PTPN3: variants seen among roughly 807,000 people sequenced by gnomAD.
PTPN3 encodes the protein protein tyrosine phosphatase non-receptor type 3.
A neutral mutation model predicts 132.7 loss-of-function variants in PTPN3; 96 were observed. The observed-to-expected ratio is 0.72, with a 90% CI of 0.61 to 0.86. The LOEUF (loss-of-function observed/expected upper bound fraction) is 0.86, where lower values mean the gene tolerates loss of function less well. PTPN3 is among the 40% of genes least tolerant of loss of function. PTPN3 has a pLI of 0.00. For missense variants in PTPN3, 1,125 were observed against 1,159.6 expected (o/e 0.97, Z 0.43); for synonymous variants, 398 against 429.0 (o/e 0.93, Z 0.89).
the PTPN3 span, among the ~76,000 whole-genome samples, chr9:109,523,831 T>A: frequency 1.7e-5 from 1 of 60,318 alleles, no homozygotes; most frequent in Non-Finnish European, 3.3e-5. Context: ...TGAGGGTCCC[T>A]GAGTCCCAGT....
intron 1 of PTPN3, among the ~76,000 whole-genome samples, chr9:109,474,125 G>A (rs1370061598): frequency 1.3e-5 from 2 of 152,024 alleles, no homozygotes; most frequent in Admixed American, 1.3e-4. Context: ...CCACCTTGGT[G>A]AACCCAGACA....
chr9:109,458,727 GA>G (rs1845685378), intron 2 of PTPN3, among the ~76,000 whole-genome samples: 1 of 152,064 alleles, frequency 6.6e-6, no homozygotes, highest in South Asian at 2.1e-4. Context: ...CCATCCATCA[GA>G]AAAGAATCAC....
intron 1 of PTPN3, among the ~76,000 whole-genome samples, chr9:109,469,157 C>T (rs1846245692): frequency 6.6e-6 from 1 of 152,184 alleles, no homozygotes; most frequent in African/African-American, 2.4e-5. Flanking sequence ...TCCCTGGCTG[C>T]CCTGAAGCCT....
rs199672148 is a variant in PTPN3, at chr9:109,410,209, G to A, written c.1500+20C>T. On this transcript the variant is annotated intron_variant, in intron 15 of 25. Transcript: ENST00000374541. ...GAAGCCCTGGGTGTGTGGATCACCC[G>A]GCTGCCTGCGCTCGCTCACCTTGTC... 555 of 1,611,930 alleles carry A rather than the reference G, an allele frequency of 3.4e-4. 8 individuals are homozygous for A. In the South Asian group the frequency reaches 3.6e-3, roughly 11 times the overall value.
chr9:109,533,871 G>GA, the PTPN3 span: 1 of 770,894 alleles, frequency 1.3e-6, no homozygotes, highest in Admixed American at 1.9e-5. Context: ...TTGGGTGGAG[G>GA]ACCCCTACGA....
At chr9:109,424,187 T>C (rs1054224745) in intron 12 of PTPN3, among the ~76,000 whole-genome samples, 4 of 152,148 alleles carry the variant, frequency 2.6e-5, no homozygotes, top group Non-Finnish European at 5.9e-5. Context: ...GCTTGGAAAA[T>C]AACCCAACAA....
intron 1 of PTPN3, among the ~76,000 whole-genome samples, chr9:109,476,878 G>A (rs1171956381): frequency 1.3e-5 from 2 of 152,148 alleles, no homozygotes; most frequent in Non-Finnish European, 2.9e-5. Context: ...CTCAGTCCCT[G>A]GGCCATTCCC....
chr9:109,439,691 C>G (rs2131945454), intron 7 of PTPN3, among the ~76,000 whole-genome samples: 1 of 152,270 alleles, frequency 6.6e-6, no homozygotes, highest in East Asian at 1.9e-4. Context: ...GGTGGATCAC[C>G]TGCGGTCAGA....
intron 22 of PTPN3, 42 bp downstream of exon 22, chr9:109,389,191 T>TAACATGCAGAGTAG (rs1839848387): frequency 3.7e-6 from 6 of 1,607,330 alleles, no homozygotes; most frequent in Middle Eastern, 1.7e-4. Context: ...CAGAGTAGGG[T>TAACATGCAGAGTAG]GTGACACTGC....
At chr9:109,523,608 T>C in the PTPN3 span, among the ~76,000 whole-genome samples, 5 of 152,290 alleles carry the variant, frequency 3.3e-5, no homozygotes, top group African/African-American at 1.2e-4. Context: ...CTGCATTTCA[T>C]TCTTTATGGC....
rs1181982614 is a variant in PTPN3, at chr9:109,391,185, C to A, written c.2059G>T (p.Val687Leu). 1.2e-6 allele frequency: 2 copies of A among 1,613,280 alleles called. No individual in the cohort carries two copies. Residue 687 changes from valine (V) to leucine (L), a missense_variant, in exon 21 of 26, where the codon GTA becomes TTA. Coordinates refer to ENST00000374541, the MANE Select transcript of PTPN3 (RefSeq NM_002829.4). ...KDVLPYDTTR[V>L]LLQGNEDYIN... is the part of the protein sequence containing the mutation. ...TAATCTTCATTTCCCTGCAATAATA[C>A]CCGGGTGGTGTCATCTGCGGGGAAG...
intron 19 of PTPN3, chr9:109,392,605 T>C (rs193026878): frequency 4.6e-5 from 7 of 151,816 alleles, no homozygotes; most frequent in Non-Finnish European, 8.8e-5. Flanking sequence ...ATACTGGCAC[T>C]TTTTTTTTCT....
At chr9:109,428,207 G>A (rs1040201298) in intron 11 of PTPN3, among the ~76,000 whole-genome samples, 4 of 152,166 alleles carry the variant, frequency 2.6e-5, no homozygotes, top group Non-Finnish European at 5.9e-5. Context: ...AGAATTTCTG[G>A]AAACAAGGTA....
At chr9:109,426,305 T>C (rs1843278019) in intron 12 of PTPN3, among the ~76,000 whole-genome samples, 1 of 149,236 alleles carries the variant, frequency 6.7e-6, no homozygotes, top group African/African-American at 2.4e-5. Flanking sequence ...TATATATTTA[T>C]ACATAAATAT....
chr9:109,492,937 C>T (rs1406954670), intron 1 of PTPN3, among the ~76,000 whole-genome samples: 1 of 152,234 alleles, frequency 6.6e-6, no homozygotes, highest in African/African-American at 2.4e-5. Context: ...TCTAATAAAA[C>T]TCCCAACATT....
intron 19 of PTPN3, among the ~76,000 whole-genome samples, chr9:109,394,127 C>T (rs990107968): frequency 3.3e-5 from 5 of 152,174 alleles, no homozygotes. Context: ...TGGCAGAAGG[C>T]GGGCACCTAA....
intron 1 of PTPN3, among the ~76,000 whole-genome samples, chr9:109,472,583 T>C (rs919331811): frequency 6.6e-6 from 1 of 152,232 alleles, no homozygotes; most frequent in African/African-American, 2.4e-5. Context: ...CTTTATTAGT[T>C]TTAAAATAAG....
At chr9:109,420,849 G>C (rs1842853130) in intron 13 of PTPN3, among the ~76,000 whole-genome samples, 4 of 152,204 alleles carry the variant, frequency 2.6e-5, no homozygotes, top group African/African-American at 9.6e-5. Context: ...GGCAGAATTA[G>C]ATGGGTTTAT....
chr9:109,442,665 G>A (rs1844571652), intron 7 of PTPN3, among the ~76,000 whole-genome samples: 1 of 152,090 alleles, frequency 6.6e-6, no homozygotes, highest in Non-Finnish European at 1.5e-5. Flanking sequence ...CTTTCTTCTG[G>A]GCAGACATGA....
Sources: allele counts gnomAD v4.1 joint callset (sites outside exome capture counted in the v4.1 genomes callset), GRCh38; gene constraint gnomAD v4.1.1; transcripts MANE v1.5; gene names NCBI Gene and HGNC (gene_info 2026-07-23, HGNC 2026-07-21).